UBTD2: variants seen among roughly 807,000 people sequenced by gnomAD.
UBTD2 encodes ubiquitin domain-containing protein 2.
UBTD2 carries 9 observed loss-of-function variants against 19.8 expected under a neutral mutation model. The observed-to-expected ratio is 0.46, with a 90% CI of 0.27 to 0.79. The LOEUF (loss-of-function observed/expected upper bound fraction) is 0.79, where lower values mean the gene tolerates loss of function less well. UBTD2 is among the 30% of genes least tolerant of loss of function. The pLI is 0.14. For missense variants in UBTD2, 250 were observed against 300.4 expected (o/e 0.83, Z 1.24); for synonymous variants, 98 against 103.9 (o/e 0.94, Z 0.35).
intron 1 of UBTD2, chr5:172,255,512 G>C (rs1333811241): frequency 1.2e-5 from 4 of 331,830 alleles, no homozygotes; most frequent in Non-Finnish European, 2.5e-5. Context: ...GAGAAATAAA[G>C]GCCCAGATCC....
chr5:172,273,079 C>T (rs980067968), intron 1 of UBTD2, among the ~76,000 whole-genome samples: 1 of 139,144 alleles, frequency 7.2e-6, no homozygotes, highest in Non-Finnish European at 1.5e-5. Flanking sequence ...TCCGTCTCTC[C>T]GTCTCAAAAA....
At chr5:172,221,147 A>G (rs1771642279) in intron 2 of UBTD2, among the ~76,000 whole-genome samples, 1 of 152,178 alleles carries the variant, frequency 6.6e-6, no homozygotes, top group South Asian at 2.1e-4. Context: ...GGAAGACTTA[A>G]TATTGTCAAG....
rs549584180 is a variant in UBTD2, at chr5:172,238,847, GA to G, written c.71-4490del. On this transcript the variant is annotated intron_variant, in intron 1 of 2. Coordinates refer to ENST00000393792, the MANE Select transcript of UBTD2 (RefSeq NM_152277.3). ...AGAGGCCATAATGCATGGATAAGGTGAAAATATCAAGATATGACTCAAGCAA... is the reference window on the plus strand; with the variant it reads ...AGAGGCCATAATGCATGGATAAGGTGAAATATCAAGATATGACTCAAGCAA... Among the ~76,000 whole-genome samples, 574 of 152,266 alleles carry G rather than the reference GA, an allele frequency of 3.8e-3. 1 individual carries two copies. The highest frequency in any genetic ancestry group is 9.9e-3 in the African/African-American group (410 of 41,554).
chr5:172,259,678 G>A (rs562892254), intron 1 of UBTD2, among the ~76,000 whole-genome samples: 2 of 152,066 alleles, frequency 1.3e-5, no homozygotes, highest in Non-Finnish European at 1.5e-5. Context: ...GAAGGCAAAA[G>A]TGATCTTTTA....
At chr5:172,241,729 G>A (rs1421623120) in intron 1 of UBTD2, among the ~76,000 whole-genome samples, 1 of 151,938 alleles carries the variant, frequency 6.6e-6, no homozygotes, top group Non-Finnish European at 1.5e-5. Flanking sequence ...AGAAGTATAA[G>A]GCTGGTTGGG....
chr5:172,260,366 C>T (rs1318966328), intron 1 of UBTD2, among the ~76,000 whole-genome samples: 5 of 152,210 alleles, frequency 3.3e-5, no homozygotes, highest in Admixed American at 3.3e-4. Context: ...CTGTTAGTAT[C>T]CATCCTTGTC....
chr5:172,277,095 A>G lies in UBTD2; in HGVS notation c.70+6501T>C, dbSNP rs1352637774. ...AAAAAAAAAAAAAAAAAAAAAAAAA[A>G]AAGAAGGGAACAAAAAGAAGACGAA... On this transcript the variant is annotated intron_variant, in intron 1 of 2. Coordinates refer to ENST00000393792, the MANE Select transcript of UBTD2 (RefSeq NM_152277.3). 5.1e-5 allele frequency among the ~76,000 whole-genome samples: 7 copies of G among 136,360 alleles called. No homozygotes were observed. In the East Asian group the frequency reaches 1.3e-3, roughly 26 times the overall value. 89.5% of individuals were successfully genotyped at this position (136,360 alleles called of 152,430 possible). A position where few individuals can be genotyped will look rare whatever the true frequency, so the allele number is the denominator to read the frequency against.
At chr5:172,242,932 C>A (rs1772160650) in intron 1 of UBTD2, among the ~76,000 whole-genome samples, 1 of 152,088 alleles carries the variant, frequency 6.6e-6, no homozygotes. Flanking sequence ...TTTATTTAGT[C>A]AATATATTAA....
intron 1 of UBTD2, among the ~76,000 whole-genome samples, chr5:172,252,169 AAG>A (rs1484074136): frequency 6.6e-6 from 1 of 152,218 alleles, no homozygotes; most frequent in African/African-American, 2.4e-5. Flanking sequence ...TCCTGGCTTT[AAG>A]AGTTACTTGA....
chr5:172,280,294 G>C (rs975361119), intron 1 of UBTD2, among the ~76,000 whole-genome samples: 8 of 149,994 alleles, frequency 5.3e-5, no homozygotes, highest in African/African-American at 2.0e-4. Flanking sequence ...ATTACTTAAA[G>C]GTCAGGAGTT....
intron 1 of UBTD2, among the ~76,000 whole-genome samples, chr5:172,245,259 G>T (rs1754856626): frequency 6.6e-6 from 1 of 152,206 alleles, no homozygotes; most frequent in Non-Finnish European, 1.5e-5. Flanking sequence ...ACTCTGAGAG[G>T]AGCTTGTCTT....
At chr5:172,277,381 GA>G (rs1307649781) in intron 1 of UBTD2, among the ~76,000 whole-genome samples, 6 of 151,960 alleles carry the variant, frequency 3.9e-5, no homozygotes, top group Non-Finnish European at 8.8e-5. Flanking sequence ...AGCAACAGAA[GA>G]AAAAAATAGA....
At chr5:172,244,790 G>A (rs1246330288) in intron 1 of UBTD2, among the ~76,000 whole-genome samples, 2 of 151,702 alleles carry the variant, frequency 1.3e-5, no homozygotes, top group Non-Finnish European at 2.9e-5. Flanking sequence ...GTGCAATGGT[G>A]CGATCTCGGC....
At chr5:172,230,215 G>A (rs1771862337) in intron 2 of UBTD2, among the ~76,000 whole-genome samples, 1 of 152,102 alleles carries the variant, frequency 6.6e-6, no homozygotes, top group Non-Finnish European at 1.5e-5. Context: ...TCTCCCCATT[G>A]CCACTTGAGA....
At chr5:172,255,457 C>A (rs1319428310) in intron 1 of UBTD2, 1 of 440,720 alleles carries the variant, frequency 2.3e-6, no homozygotes. Context: ...TTCTAGGGTG[C>A]TCTGGTGTTT....
At chr5:172,277,838 A>G (rs1331952980) in intron 1 of UBTD2, among the ~76,000 whole-genome samples, 1 of 151,364 alleles carries the variant, frequency 6.6e-6, no homozygotes, top group Non-Finnish European at 1.5e-5. Context: ...GAATATATAA[A>G]ACTCTTACCA....
Position 172,234,273 on chromosome 5 carries a change from G to T in UBTD2, c.156C>A (p.Ser52Arg). The T allele has an allele frequency of 6.2e-7, 1 of 1,614,070 alleles. No homozygotes were observed. The highest frequency in any genetic ancestry group is 8.5e-7 in the Non-Finnish European group (1 of 1,180,022). ...DYPMTDGQLR[S>R]KRDEFWDTAP... ...CTGTATCCCAAAATTCATCCCTCTT[G>T]CTGCGTAGTTGTCCATCTGTCATAG... Residue 52 changes from serine to arginine, a missense_variant, in exon 2 of 3, where the codon AGC (serine) becomes AGA (arginine). By Grantham distance (110) the Ser-to-Arg change is moderately radical. Coordinates refer to ENST00000393792, the MANE Select transcript of UBTD2 (RefSeq NM_152277.3).
intron 1 of UBTD2, among the ~76,000 whole-genome samples, chr5:172,253,294 T>A (rs1338702923): frequency 1.3e-5 from 2 of 152,192 alleles, no homozygotes; most frequent in Admixed American, 1.3e-4. Flanking sequence ...GAGAAAGAAA[T>A]ACTATATTCT....
At chr5:172,223,849 G>A (rs1017302229) in intron 2 of UBTD2, among the ~76,000 whole-genome samples, 20 of 152,132 alleles carry the variant, frequency 1.3e-4, no homozygotes, top group African/African-American at 4.6e-4. Flanking sequence ...ATGAGAAGGA[G>A]AAAATGTACT....
Sources: gnomAD v4.1 joint callset for allele counts (sites outside exome capture counted in the v4.1 genomes callset) on GRCh38, gnomAD v4.1.1 for gene constraint, MANE v1.5 for transcripts, NCBI Gene and HGNC (gene_info 2026-07-23, HGNC 2026-07-21) for gene names.